The following TAF4B variants were observed in gnomAD, a reference collection of about 807,000 sequenced individuals.
TAF4B encodes the protein TATA-box binding protein associated factor 4b.
A neutral mutation model predicts 86.4 loss-of-function variants in TAF4B; 38 were observed. The ratio of observed to expected loss-of-function variants is 0.44; its 90% confidence interval spans 0.34 to 0.58. The LOEUF (loss-of-function observed/expected upper bound fraction) is 0.58. Ranked by LOEUF, TAF4B falls within the 20% of genes least tolerant of loss-of-function variation. The pLI is 0.02. For synonymous variants in TAF4B, 388 were observed against 391.2 expected, an observed-to-expected ratio of 0.99 and a Z score of 0.10; for missense variants, 988 against 1,027.6, an observed-to-expected ratio of 0.96 and a Z score of 0.53.
intron 1 of TAF4B, chr18:26,255,817 A>T (rs1050676937): frequency 6.9e-7 from 1 of 1,448,876 alleles, no homozygotes; most frequent in Non-Finnish European, 9.7e-7. Context: ...ACTTCCCCAA[A>T]ACGGCCTTTA....
chr18:26,271,804 C>G (rs1383089702), intron 3 of TAF4B, among the ~76,000 whole-genome samples: 3 of 151,466 alleles, frequency 2.0e-5, no homozygotes, highest in Non-Finnish European at 4.4e-5. Context: ...GGGGGCGGCT[C>G]TCATCCCAGC....
chr18:26,231,936 G>C (rs2084285), intron 1 of TAF4B, among the ~76,000 whole-genome samples: 47,848 of 151,972 alleles, frequency 0.31, 13,221 homozygotes, highest in African/African-American at 0.75. Flanking sequence ...TTTCCTATCC[G>C]AGTGCACTTT....
intron 7 of TAF4B, among the ~76,000 whole-genome samples, chr18:26,289,210 ATC>A (rs2056563031): frequency 2.0e-5 from 3 of 152,238 alleles, no homozygotes; most frequent in Admixed American, 2.0e-4. Flanking sequence ...CCATCAGTGA[ATC>A]TATTATAAAC....
At chr18:26,305,679 T>A (rs2144645286) in intron 9 of TAF4B, among the ~76,000 whole-genome samples, 1 of 152,346 alleles carries the variant, frequency 6.6e-6, no homozygotes, top group South Asian at 2.1e-4. Context: ...ATATTTGTTT[T>A]GTTTTGATAT....
intron 14 of TAF4B, among the ~76,000 whole-genome samples, chr18:26,388,876 C>T (rs1288026193): frequency 4.6e-5 from 7 of 152,264 alleles, no homozygotes; most frequent in Admixed American, 2.0e-4. Flanking sequence ...AATGCAGTGG[C>T]GCGATCTCAG....
intron 3 of TAF4B, among the ~76,000 whole-genome samples, chr18:26,268,020 T>G (rs2056264164): frequency 6.6e-6 from 1 of 152,158 alleles, no homozygotes; most frequent in South Asian, 2.1e-4. Context: ...TTGGAGGATA[T>G]ATGGCCGGTC....
At chr18:26,264,406 C>T (rs1197858646) in intron 1 of TAF4B, among the ~76,000 whole-genome samples, 1 of 152,170 alleles carries the variant, frequency 6.6e-6, no homozygotes, top group East Asian at 1.9e-4. Flanking sequence ...GTCTGGGCGA[C>T]AGAGCGAGAC....
chr18:26,310,338 A>T (rs2056840454), intron 9 of TAF4B, among the ~76,000 whole-genome samples: 1 of 152,228 alleles, frequency 6.6e-6, no homozygotes, highest in Non-Finnish European at 1.5e-5. Context: ...TGTGTTTGAC[A>T]TTGAGACCTG....
chr18:26,367,495 C>A (rs1042739842), intron 14 of TAF4B, among the ~76,000 whole-genome samples: 1 of 152,164 alleles, frequency 6.6e-6, no homozygotes, highest in Non-Finnish European at 1.5e-5. Context: ...CTTTCTTTAT[C>A]TTTTTGTTCT....
intron 5 of TAF4B, among the ~76,000 whole-genome samples, chr18:26,281,766 C>A (rs2056452475): frequency 1.3e-5 from 2 of 152,140 alleles, no homozygotes; most frequent in South Asian, 4.1e-4. Context: ...CAAAAAAAAT[C>A]ACCCCTTCAT....
intron 6 of TAF4B, among the ~76,000 whole-genome samples, chr18:26,282,577 C>G: frequency 6.6e-6 from 1 of 152,176 alleles, no homozygotes; most frequent in Admixed American, 6.5e-5. Context: ...AAGAGTCTTA[C>G]CTCAATGTTG....
At chr18:26,321,047 A>G (rs756499965) in intron 10 of TAF4B, 23 bp from the exon 11 acceptor site, 14 of 1,613,104 alleles carry the variant, frequency 8.7e-6, no homozygotes, top group Non-Finnish European at 1.1e-5. Flanking sequence ...AAAACACGTA[A>G]TGGATTTTCT....
At chr18:26,263,937 T>C (rs866216430) in intron 1 of TAF4B, among the ~76,000 whole-genome samples, 2 of 152,160 alleles carry the variant, frequency 1.3e-5, no homozygotes, top group Non-Finnish European at 2.9e-5. Flanking sequence ...TTTATATTCT[T>C]AATACACCTG....
chr18:26,285,210 C>CTTTTTTTTTTGTTTT (rs2056496547), intron 6 of TAF4B, among the ~76,000 whole-genome samples: 13 of 42,550 alleles, frequency 3.1e-4, no homozygotes, highest in African/African-American at 1.0e-3. Context: ...TCTTCCTTTC[C>CTTTTTTTTTTGTTTT]TTTTTTTTTT....
chr18:26,338,470 ATTTTTTTTTTT>A (rs764826705), intron 13 of TAF4B, among the ~76,000 whole-genome samples: 1 of 71,188 alleles, frequency 1.4e-5, no homozygotes, highest in African/African-American at 5.5e-5. Context: ...AAGAACTAGA[ATTTTTTTTTTT>A]TTTTTTTTTT....
At chr18:26,255,195 A>C (rs2056064282) in intron 1 of TAF4B, among the ~76,000 whole-genome samples, 1 of 152,162 alleles carries the variant, frequency 6.6e-6, no homozygotes, top group Non-Finnish European at 1.5e-5. Flanking sequence ...TTAAAAAAAA[A>C]AGACTTAAAG....
chr18:26,377,490 A>G (rs1288577409), intron 14 of TAF4B, among the ~76,000 whole-genome samples: 1 of 152,126 alleles, frequency 6.6e-6, no homozygotes, highest in Non-Finnish European at 1.5e-5. Flanking sequence ...AAGCCTAGCA[A>G]ACCTTGTCAT....
chr18:26,280,370 A>G (rs2056433266), intron 5 of TAF4B, among the ~76,000 whole-genome samples: 1 of 152,228 alleles, frequency 6.6e-6, no homozygotes, highest in South Asian at 2.1e-4. Flanking sequence ...CAACAGAGTA[A>G]ACAGACCACC....
At chr18:26,350,414 A>G (rs1169452491) in intron 13 of TAF4B, among the ~76,000 whole-genome samples, 1 of 152,204 alleles carries the variant, frequency 6.6e-6, no homozygotes, top group Non-Finnish European at 1.5e-5. Context: ...GCTTATGCCT[A>G]TACTCTCAAC....
Sources: allele counts gnomAD v4.1 joint callset (sites outside exome capture counted in the v4.1 genomes callset), GRCh38; gene constraint gnomAD v4.1.1; transcripts MANE v1.5; gene names NCBI Gene and HGNC (gene_info 2026-07-23, HGNC 2026-07-21).